DHRSX: variants seen among roughly 807,000 people sequenced by gnomAD.
The protein encoded by DHRSX is polyprenol dehydrogenase.
DHRSX carries 31 observed loss-of-function variants against 34.0 expected under a neutral mutation model. The observed-to-expected ratio is 0.91, with a 90% CI of 0.69 to 1.23. The LOEUF (loss-of-function observed/expected upper bound fraction) is 1.23. Ranked by LOEUF, DHRSX falls within the 50% of genes most tolerant of loss-of-function variation. The probability of loss-of-function intolerance (pLI) is 0.00; values close to 1 mark genes in which losing one functional copy is unlikely to be tolerated. For missense variants in DHRSX, 414 were observed against 428.1 expected, an observed-to-expected ratio of 0.97 and a Z score of 0.29; for synonymous variants, 201 against 183.8, an observed-to-expected ratio of 1.09 and a Z score of -0.76.
At chrX:2,236,950 A>C (rs977605125) in intron 6 of DHRSX, among the ~76,000 whole-genome samples, 5 of 151,998 alleles carry the variant, frequency 3.3e-5, no homozygotes, top group Non-Finnish European at 7.4e-5. Flanking sequence ...GCACTTCGGC[A>C]GGCCGAGGCA....
chrX:2,374,449 G>A (rs965323640), intron 3 of DHRSX, among the ~76,000 whole-genome samples: 3 of 150,962 alleles, frequency 2.0e-5, no homozygotes, highest in East Asian at 2.0e-4. Context: ...AAAAATAGCT[G>A]GGTGAGCAGC....
chrX:2,448,541 G>C (rs2044171561), intron 1 of DHRSX, among the ~76,000 whole-genome samples: 1 of 149,230 alleles, frequency 6.7e-6, no homozygotes, highest in African/African-American at 2.5e-5. Flanking sequence ...TAATTAGCTT[G>C]TTAATATGTT....
At chrX:2,432,705 A>G (rs2043942493) in intron 1 of DHRSX, among the ~76,000 whole-genome samples, 1 of 152,216 alleles carries the variant, frequency 6.6e-6, no homozygotes, top group African/African-American at 2.4e-5. Context: ...GGCAAAAACA[A>G]AGTTAAACCA....
rs2043890946 is a variant in DHRSX, at chrX:2,429,483, C to T, written c.110-4179G>A. Among the ~76,000 whole-genome samples, 2 of 150,344 alleles carry T rather than the reference C, an allele frequency of 1.3e-5. 1 individual carries two copies. Among genetic ancestry groups the T allele is most frequent in the Admixed American group, 1.3e-4 (2 of 15,072 alleles). ...TTTTTTTTGAGCTGGGGTCTTACTACATTGCCCAGGCTGCAGTGCAGTGGT... is the reference window on the plus strand; with the variant it reads ...TTTTTTTTGAGCTGGGGTCTTACTATATTGCCCAGGCTGCAGTGCAGTGGT... On this transcript the variant is annotated intron_variant, in intron 1 of 6. Transcript: ENST00000334651.
chrX:2,427,533 G>A (rs1433958354), intron 1 of DHRSX, among the ~76,000 whole-genome samples: 1 of 152,222 alleles, frequency 6.6e-6, no homozygotes, highest in East Asian at 1.9e-4. Context: ...TTCAGAATAT[G>A]TCTCACAGGT....
intron 6 of DHRSX, among the ~76,000 whole-genome samples, chrX:2,223,280 G>A (rs1443606998): frequency 3.3e-5 from 5 of 152,066 alleles, no homozygotes; most frequent in African/African-American, 1.2e-4. Flanking sequence ...ATAAAAGGCC[G>A]CTCCCCTGCA....
intron 3 of DHRSX, among the ~76,000 whole-genome samples, chrX:2,315,027 G>A (rs1199819093): frequency 4.6e-5 from 7 of 152,042 alleles, no homozygotes; most frequent in African/African-American, 1.2e-4. Flanking sequence ...GCGTGGTGGC[G>A]CATGCCTGTA....
intron 5 of DHRSX, among the ~76,000 whole-genome samples, chrX:2,255,922 C>CAAATA (rs749597715): frequency 3.3e-5 from 5 of 150,502 alleles, no homozygotes; most frequent in Non-Finnish European, 5.9e-5. Flanking sequence ...AACTCTGTCT[C>CAAATA]AAATAAAATA....
chrX:2,337,332 T>C (rs1352244950), intron 3 of DHRSX, among the ~76,000 whole-genome samples: 2 of 152,236 alleles, frequency 1.3e-5, no homozygotes, highest in Non-Finnish European at 2.9e-5. Flanking sequence ...GTTGTTTGGC[T>C]CTGAGAAGCA....
At chrX:2,457,920 G>A (rs1478947221) in intron 1 of DHRSX, among the ~76,000 whole-genome samples, 1 of 151,088 alleles carries the variant, frequency 6.6e-6, no homozygotes, top group Non-Finnish European at 1.5e-5. Context: ...TAAGCATGTA[G>A]CCAAGGGACC....
chrX:2,365,468 C>T (rs1417838335), intron 3 of DHRSX, among the ~76,000 whole-genome samples: 4 of 152,094 alleles, frequency 2.6e-5, no homozygotes, highest in Non-Finnish European at 5.9e-5. Context: ...TGCCACTTTG[C>T]TTTGACCTTT....
intron 6 of DHRSX, among the ~76,000 whole-genome samples, chrX:2,223,680 C>G (rs1437114156): frequency 6.6e-6 from 1 of 151,574 alleles, no homozygotes; most frequent in Non-Finnish European, 1.5e-5. Context: ...GTTTGAGGGT[C>G]TTTCTCTGGG....
At chrX:2,438,243 C>T in intron 1 of DHRSX, among the ~76,000 whole-genome samples, 1 of 149,882 alleles carries the variant, frequency 6.7e-6, no homozygotes, top group Admixed American at 6.7e-5. Flanking sequence ...GAGTATTGGA[C>T]TGCAGAGGAG....
chrX:2,235,002 T>A (rs992319088), intron 6 of DHRSX, among the ~76,000 whole-genome samples: 4 of 152,196 alleles, frequency 2.6e-5, no homozygotes, highest in African/African-American at 9.7e-5. Flanking sequence ...TGATCCACCA[T>A]GCCCAGCCTG....
intron 1 of DHRSX, among the ~76,000 whole-genome samples, chrX:2,425,763 T>C (rs1415242426): frequency 2.0e-5 from 3 of 152,082 alleles, no homozygotes; most frequent in African/African-American, 7.2e-5. Flanking sequence ...AAGCAAGTGG[T>C]TTGTTACTCA....
intron 1 of DHRSX, among the ~76,000 whole-genome samples, chrX:2,467,577 G>A (rs1051480773): frequency 1.1e-4 from 16 of 152,242 alleles, no homozygotes; most frequent in Middle Eastern, 3.4e-3. Context: ...CAAGAGACAG[G>A]AATATTATAA....
chrX:2,324,040 G>C (rs1488079132), intron 3 of DHRSX, among the ~76,000 whole-genome samples: 1 of 140,848 alleles, frequency 7.1e-6, no homozygotes, highest in African/African-American at 2.7e-5. Context: ...CTGGGTAACA[G>C]ATGGAGACCC....
intron 3 of DHRSX, among the ~76,000 whole-genome samples, chrX:2,383,032 C>T (rs1396051257): frequency 2.7e-5 from 4 of 149,978 alleles, no homozygotes; most frequent in Non-Finnish European, 5.9e-5. Flanking sequence ...TCTATTACCA[C>T]CACTATCACC....
intron 2 of DHRSX, among the ~76,000 whole-genome samples, chrX:2,412,889 CAAGAAA>C (rs1424289897): frequency 1.3e-5 from 2 of 152,072 alleles, no homozygotes; most frequent in Non-Finnish European, 2.9e-5. Context: ...GTTGAACTCA[CAAGAAA>C]AAGTATTATG....
Sources: allele counts gnomAD v4.1 joint callset (sites outside exome capture counted in the v4.1 genomes callset), GRCh38; gene constraint gnomAD v4.1.1; transcripts MANE v1.5; gene names NCBI Gene and HGNC (gene_info 2026-07-23, HGNC 2026-07-21).